The following FSTL5 variants were observed in gnomAD, a reference collection of about 807,000 sequenced individuals.
The protein encoded by FSTL5 is follistatin like 5.
FSTL5 carries 62 observed loss-of-function variants against 89.1 expected under a neutral mutation model. The observed-to-expected ratio is 0.70, with a 90% CI of 0.57 to 0.86. The LOEUF is 0.86. Ranked by LOEUF, FSTL5 falls within the 40% of genes least tolerant of loss-of-function variation. The pLI, the probability that FSTL5 is intolerant of heterozygous loss-of-function variation, is 0.00. For synonymous variants in FSTL5, 383 were observed against 346.2 expected (o/e 1.11, Z -1.18); for missense variants, 1,057 against 1,001.6 (o/e 1.06, Z -0.75).
chr4:161,413,937 G>A (rs1359150984), intron 15 of FSTL5, among the ~76,000 whole-genome samples: 1 of 152,146 alleles, frequency 6.6e-6, no homozygotes, highest in Non-Finnish European at 1.5e-5. Context: ...GGGCGGGAGA[G>A]TGGGTTAGCA....
chr4:161,507,283 A>G (rs1000039259), intron 11 of FSTL5, among the ~76,000 whole-genome samples: 3 of 151,938 alleles, frequency 2.0e-5, no homozygotes, highest in African/African-American at 7.2e-5. Flanking sequence ...GCCACAAAAT[A>G]AACATTAGAA....
At chr4:161,977,448 TA>T (rs1735680847) in intron 3 of FSTL5, among the ~76,000 whole-genome samples, 1 of 150,730 alleles carries the variant, frequency 6.6e-6, no homozygotes, top group Non-Finnish European at 1.5e-5. Context: ...CCGTCTCTAC[TA>T]AAAAATAGAA....
At chr4:161,641,309 C>G (rs138916268) in intron 7 of FSTL5, among the ~76,000 whole-genome samples, 82 of 152,274 alleles carry the variant, frequency 5.4e-4, no homozygotes, top group African/African-American at 1.5e-3. Context: ...TGTAACTCCA[C>G]ATTTCGTTTT....
At chr4:161,509,410 T>C (rs1056988922) in intron 11 of FSTL5, among the ~76,000 whole-genome samples, 6 of 152,116 alleles carry the variant, frequency 3.9e-5, no homozygotes, top group African/African-American at 1.4e-4. Flanking sequence ...GGAATAAAAA[T>C]AGAGGGTATA....
chr4:161,415,736 G>GTATGATATATATACACATATA (rs1731753775), intron 15 of FSTL5, among the ~76,000 whole-genome samples: 1 of 142,718 alleles, frequency 7.0e-6, no homozygotes, highest in African/African-American at 2.6e-5. Flanking sequence ...ATATATATAT[G>GTATGATATATATACACATATA]TATGATATAT....
chr4:162,006,628 T>C (rs770933745), intron 3 of FSTL5, among the ~76,000 whole-genome samples: 19 of 151,920 alleles, frequency 1.3e-4, no homozygotes, highest in Non-Finnish European at 2.4e-4. Flanking sequence ...TTTCAATTTT[T>C]CTAAATCTCC....
intron 15 of FSTL5, among the ~76,000 whole-genome samples, chr4:161,431,991 G>T (rs565495608): frequency 5.5e-4 from 84 of 152,192 alleles, no homozygotes; most frequent in African/African-American, 1.9e-3. Context: ...TCTAAAAAGA[G>T]AAATAGACCC....
intron 3 of FSTL5, among the ~76,000 whole-genome samples, chr4:162,013,207 T>C (rs1286896493): frequency 6.6e-6 from 1 of 151,650 alleles, no homozygotes; most frequent in African/African-American, 2.4e-5. Context: ...AAATTTTCAG[T>C]ATACCTTCAC....
At chr4:162,118,404 G>A (rs945868698) in intron 1 of FSTL5, among the ~76,000 whole-genome samples, 6 of 152,116 alleles carry the variant, frequency 3.9e-5, no homozygotes, top group African/African-American at 1.4e-4. Context: ...GGGACTACAG[G>A]GCCCCGCCAC....
chr4:161,496,932 G>T (rs908461614), intron 12 of FSTL5, among the ~76,000 whole-genome samples: 4 of 152,012 alleles, frequency 2.6e-5, no homozygotes, highest in Non-Finnish European at 5.9e-5. Context: ...TATTGATTCT[G>T]TTTTTCTGGA....
At chr4:161,938,528 C>CA (rs1734493828) in intron 3 of FSTL5, among the ~76,000 whole-genome samples, 2 of 151,832 alleles carry the variant, frequency 1.3e-5, no homozygotes, top group African/African-American at 2.4e-5. Flanking sequence ...AAATATTACG[C>CA]AAAAAATATG....
chr4:161,564,599 C>G (rs1394822613), intron 8 of FSTL5, among the ~76,000 whole-genome samples: 3 of 151,350 alleles, frequency 2.0e-5, no homozygotes, highest in Non-Finnish European at 4.4e-5. Context: ...AATGTATCAC[C>G]TGTAAATATT....
At position 161,528,201 on chromosome 4, in the gene FSTL5, C is replaced by T. The variant is rs897440164; in HGVS notation, c.1312+9965G>A. Among the ~76,000 whole-genome samples the T allele has an allele frequency of 8.3e-4, 114 of 136,944 alleles. 6 individuals are homozygous for T. The highest frequency in any genetic ancestry group is 3.9e-3 in the Middle Eastern group (1 of 254). The allele number at this position is 136,944 out of a possible 152,430, so 89.8% of individuals were successfully genotyped here. On this transcript the variant is annotated intron_variant, in intron 10 of 15. Transcript: ENST00000306100. Reference sequence around the variant, plus strand: ...AGGAGATATACCTAATGCTAAATGACGAGTTAATGGGTGCAGCACACCAGC... The same window carrying T: ...AGGAGATATACCTAATGCTAAATGATGAGTTAATGGGTGCAGCACACCAGC...
intron 7 of FSTL5, among the ~76,000 whole-genome samples, chr4:161,639,451 C>T (rs1321914174): frequency 6.6e-6 from 1 of 151,926 alleles, no homozygotes; most frequent in Admixed American, 6.6e-5. Context: ...AAATATATGA[C>T]CCAAGTGTCT....
intron 6 of FSTL5, among the ~76,000 whole-genome samples, chr4:161,729,683 G>A (rs1027102805): frequency 2.6e-5 from 4 of 152,142 alleles, no homozygotes; most frequent in Non-Finnish European, 5.9e-5. Context: ...ACCTCCCTCA[G>A]CTTTGAAATA....
chr4:161,670,673 G>A (rs933277966), intron 6 of FSTL5, among the ~76,000 whole-genome samples: 1 of 152,142 alleles, frequency 6.6e-6, no homozygotes, highest in Non-Finnish European at 1.5e-5. Flanking sequence ...CCTTCACTAC[G>A]AAGTTTTACA....
intron 1 of FSTL5, among the ~76,000 whole-genome samples, chr4:162,128,210 A>G (rs1199796449): frequency 1.3e-5 from 2 of 152,182 alleles, no homozygotes; most frequent in Non-Finnish European, 2.9e-5. Context: ...TGTCTGTAGT[A>G]TTTTTACATA....
chr4:161,943,442 C>T lies in FSTL5; in HGVS notation c.161-22790G>A, dbSNP rs147704370. Among the ~76,000 whole-genome samples the T allele has an allele frequency of 3.0e-3, 433 of 145,706 alleles. 3 individuals carry two copies. Among genetic ancestry groups the T allele is most frequent in the Admixed American group, 5.4e-3 (79 of 14,560 alleles). ...TCTGCTCATGTTATTTTAATGATTA[C>T]TCAAGTGACTGGTATTTAATTCTGA... is the stretch of plus-strand genomic sequence containing the variant. On this transcript the variant is annotated intron_variant, in intron 3 of 15. Coordinates refer to ENST00000306100, the MANE Select transcript of FSTL5 (RefSeq NM_020116.5).
chr4:161,816,226 T>A (rs1411135543), intron 4 of FSTL5, among the ~76,000 whole-genome samples: 1 of 152,148 alleles, frequency 6.6e-6, no homozygotes, highest in Non-Finnish European at 1.5e-5. Flanking sequence ...ACATATTAGT[T>A]AATGTGCAGG....
Sources: gnomAD v4.1 joint callset for allele counts (sites outside exome capture counted in the v4.1 genomes callset) on GRCh38, gnomAD v4.1.1 for gene constraint, MANE v1.5 for transcripts, NCBI Gene and HGNC (gene_info 2026-07-23, HGNC 2026-07-21) for gene names.